The following MLIP variants were observed in gnomAD, a reference collection of about 807,000 sequenced individuals.
MLIP encodes the protein muscular LMNA-interacting protein.
In MLIP, 79 loss-of-function variants were observed where a neutral mutation model predicts 84.8. The observed-to-expected ratio is 0.93, with a 90% confidence interval of 0.78 to 1.12. The LOEUF (loss-of-function observed/expected upper bound fraction) is 1.12. Among genes scored for constraint, MLIP ranks in the 50% most tolerant of loss-of-function variants. The pLI is 0.00. For missense variants in MLIP, 1,257 were observed against 1,160.6 expected (o/e 1.08, Z -1.21); for synonymous variants, 504 against 463.0 (o/e 1.09, Z -1.14).
chr6:54,114,643 C>A (rs1769753521), intron 1 of MLIP, among the ~76,000 whole-genome samples: 1 of 152,162 alleles, frequency 6.6e-6, no homozygotes, highest in Non-Finnish European at 1.5e-5. Flanking sequence ...GTCTTCATAG[C>A]ATTTATGAAA....
intron 1 of MLIP, among the ~76,000 whole-genome samples, chr6:54,049,565 T>A (rs1765260700): frequency 6.6e-6 from 1 of 152,144 alleles, no homozygotes; most frequent in Admixed American, 6.5e-5. Context: ...GGAAACACCC[T>A]ATTTACTTGT....
At chr6:54,259,956 G>C (rs1436488683) in intron 13 of MLIP, among the ~76,000 whole-genome samples, 2 of 151,674 alleles carry the variant, frequency 1.3e-5, no homozygotes, top group Non-Finnish European at 2.9e-5. Context: ...AAGCAATTCT[G>C]TTCTTATGAC....
chr6:54,089,917 A>C (rs1394417495), intron 1 of MLIP, among the ~76,000 whole-genome samples: 1 of 150,572 alleles, frequency 6.6e-6, no homozygotes, highest in African/African-American at 2.5e-5. Flanking sequence ...GAGCTTTCTT[A>C]TAGCAGTAGG....
intron 12 of MLIP, among the ~76,000 whole-genome samples, chr6:54,246,246 G>T (rs1186591703): frequency 3.3e-5 from 5 of 152,140 alleles, no homozygotes; most frequent in Admixed American, 3.3e-4. Context: ...CAAATGAAGT[G>T]TAAGACCACG....
intron 2 of MLIP, among the ~76,000 whole-genome samples, chr6:54,124,259 T>C (rs1770713505): frequency 6.6e-6 from 1 of 152,196 alleles, no homozygotes; most frequent in Admixed American, 6.5e-5. Context: ...TTGATTACTA[T>C]CCCAAAATTG....
At chr6:54,253,596 T>C (rs543569814) in intron 12 of MLIP, among the ~76,000 whole-genome samples, 188 of 152,312 alleles carry the variant, frequency 1.2e-3, no homozygotes, top group African/African-American at 3.8e-3. Context: ...ACATTTTGCC[T>C]ATTTTTTTTC....
intron 13 of MLIP, among the ~76,000 whole-genome samples, chr6:54,264,872 A>C (rs1783597709): frequency 6.6e-6 from 1 of 152,038 alleles, no homozygotes; most frequent in African/African-American, 2.4e-5. Flanking sequence ...CCCCTTTGTT[A>C]GTGCTTTTTA....
intron 1 of MLIP, among the ~76,000 whole-genome samples, chr6:54,023,216 T>C (rs1763608744): frequency 6.6e-6 from 1 of 151,226 alleles, no homozygotes; most frequent in Non-Finnish European, 1.5e-5. Context: ...GAAGAGTATA[T>C]GATTCAACTT....
intron 1 of MLIP, among the ~76,000 whole-genome samples, chr6:54,061,274 A>C (rs1159870321): frequency 6.6e-6 from 1 of 152,166 alleles, no homozygotes; most frequent in Non-Finnish European, 1.5e-5. Context: ...AAGTTAACTG[A>C]GTGACTTTTC....
chr6:54,131,417 C>A (rs184786009), intron 3 of MLIP, among the ~76,000 whole-genome samples: 36 of 152,192 alleles, frequency 2.4e-4, no homozygotes, highest in African/African-American at 8.2e-4. Flanking sequence ...GATTAGGTCA[C>A]ACCCACGCAG....
At chr6:54,263,566 A>T (rs1195362925) in intron 13 of MLIP, among the ~76,000 whole-genome samples, 1 of 152,030 alleles carries the variant, frequency 6.6e-6, no homozygotes, top group Non-Finnish European at 1.5e-5. Context: ...TTTTGTTTTC[A>T]TTTTGCAGTA....
At position 54,100,567 on chromosome 6, in the gene MLIP, T is replaced by G. The variant is rs147919451; in HGVS notation, c.64-20880T>G. Among the ~76,000 whole-genome samples the G allele has an allele frequency of 8.6e-3, 1,313 of 152,212 alleles. 20 individuals are homozygous for G. Among genetic ancestry groups the G allele is most frequent in the African/African-American group, 0.029 (1,218 of 41,532 alleles). On this transcript the variant is annotated intron_variant, in intron 1 of 12. Coordinates refer to the MLIP transcript ENST00000274897. ...TAACTAATGTGGTTAGTCAGAGAAG[T>G]GCTACTGAGGGGATTATATTATATT...
chr6:54,143,753 T>C (rs1772534386), intron 4 of MLIP, among the ~76,000 whole-genome samples: 1 of 152,196 alleles, frequency 6.6e-6, no homozygotes. Context: ...TGTTTTTTCA[T>C]GTCCTTGAAT....
intron 10 of MLIP, among the ~76,000 whole-genome samples, chr6:54,198,535 A>C (rs2150703778): frequency 6.6e-6 from 1 of 152,258 alleles, no homozygotes; most frequent in South Asian, 2.1e-4. Context: ...GAATATGCAG[A>C]AACAAGCCCT....
intron 10 of MLIP, among the ~76,000 whole-genome samples, chr6:54,199,236 C>T (rs1053186728): frequency 6.6e-6 from 1 of 152,130 alleles, no homozygotes; most frequent in Non-Finnish European, 1.5e-5. Flanking sequence ...TGATGTCTCT[C>T]TTCCTCCCTG....
chr6:54,193,417 T>C (rs1438457858), intron 10 of MLIP, among the ~76,000 whole-genome samples: 1 of 152,148 alleles, frequency 6.6e-6, no homozygotes, highest in East Asian at 1.9e-4. Flanking sequence ...GATGAAGAGA[T>C]ATTATGAGCA....
chr6:54,037,442 AGT>A (rs906591951), intron 1 of MLIP, among the ~76,000 whole-genome samples: 5 of 151,008 alleles, frequency 3.3e-5, no homozygotes, highest in South Asian at 2.1e-4. Flanking sequence ...TATGTGTGTT[AGT>A]GTGTGTGTGT....
rs867309350 is a variant in MLIP, at chr6:54,138,119, G to A, written c.2050G>A (p.Gly684Ser). ...LSPSALHPHC[G>S]SGTLPSRLGK... is the part of the protein sequence containing the mutation. ...TCCCTCAGCTCTGCACCCACATTGC[G>A]GCAGTGGTACCTTGCCTTCAAGACT... Residue 684 changes from glycine (G) to serine (S), a missense_variant, in exon 4 of 14, where the codon GGC (glycine) becomes AGC (serine). Transcript: ENST00000502396. 32 of 1,535,968 alleles carry A rather than the reference G, an allele frequency of 2.1e-5. No homozygotes were observed. The highest frequency in any genetic ancestry group is 8.2e-5 in the African/African-American group (6 of 73,092).
In MLIP at chr6:54,262,105, C is replaced by T. The variant is rs571303341; in HGVS notation, c.2977-3845C>T. ...ATAAAGGAAAGGATATTCCTATACT[C>T]GGATTTGATAGCAATGGACCCATCA... On this transcript the variant is annotated intron_variant, in intron 13 of 13. Coordinates refer to ENST00000502396, the MANE Select transcript of MLIP (RefSeq NM_001281747.2). Among the ~76,000 whole-genome samples the T allele has an allele frequency of 9.2e-5, 14 of 152,056 alleles. No homozygotes were observed. In the South Asian group the frequency reaches 2.7e-3, roughly 29 times the overall value.
Sources: gnomAD v4.1 joint callset for allele counts (sites outside exome capture counted in the v4.1 genomes callset) on GRCh38, gnomAD v4.1.1 for gene constraint, MANE v1.5 for transcripts, NCBI Gene and HGNC (gene_info 2026-07-23, HGNC 2026-07-21) for gene names.